The following FER1L6 variants were observed in gnomAD, a reference collection of about 807,000 sequenced individuals.
FER1L6 encodes fer-1-like protein 6.
Under a neutral mutation model 219.2 loss-of-function variants are expected in FER1L6, and 177 were observed. The observed-to-expected ratio is 0.81, with a 90% CI of 0.71 to 0.91. The LOEUF is 0.91. FER1L6 is among the 40% of genes least tolerant of loss of function. The probability of loss-of-function intolerance (pLI) is 0.00; values close to 1 mark genes in which losing one functional copy is unlikely to be tolerated. For missense variants in FER1L6, 2,153 were observed against 2,259.9 expected (o/e 0.95, Z 0.96); for synonymous variants, 768 against 824.3 (o/e 0.93, Z 1.17).
chr8:123,856,316 G>GTGTGTGTGTGTGTATATA (rs71576706), intron 1 of FER1L6, among the ~76,000 whole-genome samples: 1 of 45,112 alleles, frequency 2.2e-5, no homozygotes, highest in Admixed American at 2.3e-4. Flanking sequence ...ATATGTATGT[G>GTGTGTGTGTGTGTATATA]TATATATATA....
At chr8:123,981,940 C>T (rs570352467) in intron 11 of FER1L6, among the ~76,000 whole-genome samples, 9 of 152,206 alleles carry the variant, frequency 5.9e-5, no homozygotes, top group African/African-American at 1.9e-4. Flanking sequence ...TCGTCAGTGT[C>T]GCTATGGTTT....
intron 39 of FER1L6, among the ~76,000 whole-genome samples, chr8:124,114,311 T>A (rs1823142810): frequency 6.6e-6 from 1 of 152,186 alleles, no homozygotes; most frequent in Non-Finnish European, 1.5e-5. Flanking sequence ...GAGTCATCTC[T>A]AATGATTTTT....
intron 1 of FER1L6, among the ~76,000 whole-genome samples, chr8:123,913,333 CACA>C (rs1480907976): frequency 1.1e-5 from 1 of 93,770 alleles, no homozygotes; most frequent in East Asian, 5.8e-4. Flanking sequence ...ATAATTTATT[CACA>C]CACACACATA....
At chr8:123,867,345 G>A (rs993490034) in intron 1 of FER1L6, among the ~76,000 whole-genome samples, 1 of 152,158 alleles carries the variant, frequency 6.6e-6, no homozygotes, top group Non-Finnish European at 1.5e-5. Context: ...TCAACCTGTT[G>A]ATTTTGTAGG....
chr8:123,921,044 T>TAC (rs1392062346), intron 1 of FER1L6, among the ~76,000 whole-genome samples: 1 of 152,258 alleles, frequency 6.6e-6, no homozygotes, highest in Non-Finnish European at 1.5e-5. Context: ...ATTGTTATAG[T>TAC]ACATTATATG....
At chr8:124,046,553 GGTTT>G (rs988745260) in intron 21 of FER1L6, 3 of 152,070 alleles carry the variant, frequency 2.0e-5, no homozygotes, top group South Asian at 2.1e-4. Flanking sequence ...GAAAGGAAAG[GGTTT>G]GTTTCTTTAT....
intron 12 of FER1L6, among the ~76,000 whole-genome samples, chr8:123,995,723 C>T (rs1314825907): frequency 2.0e-5 from 3 of 151,888 alleles, no homozygotes; most frequent in Non-Finnish European, 4.4e-5. Context: ...TTTGTTTGCT[C>T]TTGCTTTTTC....
At chr8:123,886,049 G>A (rs1817195481) in intron 1 of FER1L6, among the ~76,000 whole-genome samples, 2 of 152,170 alleles carry the variant, frequency 1.3e-5, no homozygotes, top group Non-Finnish European at 2.9e-5. Context: ...TTTGCCTTGA[G>A]ACTGCGTTCG....
intron 1 of FER1L6, among the ~76,000 whole-genome samples, chr8:123,905,180 C>G (rs1257832107): frequency 6.6e-6 from 1 of 152,154 alleles, no homozygotes; most frequent in African/African-American, 2.4e-5. Context: ...ACTATCAACC[C>G]ATCAGCTAGA....
Position 124,049,821 on chromosome 8 carries a change from C to T in FER1L6, c.2874+65C>T, listed in dbSNP as rs538504873. 1.1e-5 allele frequency: 17 copies of T among 1,494,426 alleles called. No individual in the cohort carries two copies. In the African/African-American group the frequency reaches 2.2e-4, roughly 19 times the overall value. 92.6% of individuals were successfully genotyped at this position (1,494,426 alleles called of 1,614,324 possible). A position where few individuals can be genotyped will look rare whatever the true frequency, so the allele number is the denominator to read the frequency against. On this transcript the variant is annotated intron_variant, in intron 22 of 40. Coordinates refer to ENST00000522917, the MANE Select transcript of FER1L6 (RefSeq NM_001039112.2). ...CCTGGCCAGAGAAGTGGCCTCACCA[C>T]AAATGCCACTTCAATGAAGCTGTGC...
intron 39 of FER1L6, among the ~76,000 whole-genome samples, chr8:124,108,132 C>T (rs775805204): frequency 7.9e-5 from 12 of 152,164 alleles, no homozygotes; most frequent in African/African-American, 2.4e-4. Flanking sequence ...TGCCGAGGCA[C>T]GAGGATCCCT....
chr8:123,860,120 TCCCTCCC>T (rs1816720900), intron 1 of FER1L6, among the ~76,000 whole-genome samples: 1 of 86,564 alleles, frequency 1.2e-5, no homozygotes, highest in Non-Finnish European at 2.1e-5. Context: ...CCCAATGCTA[TCCCTCCC>T]CCCTCCCCCC....
chr8:123,961,017 G>A (rs192543653), intron 2 of FER1L6, among the ~76,000 whole-genome samples: 352 of 152,260 alleles, frequency 2.3e-3, no homozygotes, highest in Non-Finnish European at 3.5e-3. Flanking sequence ...GGGAGGCTAA[G>A]GTGGGAGATT....
chr8:123,884,509 G>A (rs1817165168), intron 1 of FER1L6, among the ~76,000 whole-genome samples: 2 of 152,226 alleles, frequency 1.3e-5, no homozygotes, highest in Admixed American at 1.3e-4. Flanking sequence ...AGTGCAGGCT[G>A]TTTTGGCCTT....
In FER1L6 at chr8:124,071,535, G is replaced by T. The variant is rs918593395; in HGVS notation, c.3996G>T (p.Gln1332His). 1.9e-6 allele frequency: 3 copies of T among 1,614,094 alleles called. No homozygotes were observed. In the East Asian group the frequency reaches 6.7e-5, roughly 36 times the overall value. ...KGSFCIYKSP[Q>H]DSSSEDSGQL... ...CCTTCTGCATCTACAAAAGCCCCCA[G>T]GATTCTAGCTCTGAGGACAGCGGGC... Residue 1332 changes from glutamine (Q) to histidine (H), a missense_variant, in exon 31 of 41, where the codon CAG becomes CAT. Physicochemically the swap from Gln to His is conservative, Grantham distance 24. Coordinates refer to ENST00000522917, the MANE Select transcript of FER1L6 (RefSeq NM_001039112.2).
intron 12 of FER1L6, among the ~76,000 whole-genome samples, chr8:123,990,163 G>C (rs892128919): frequency 1.3e-5 from 2 of 152,198 alleles, no homozygotes; most frequent in Admixed American, 1.3e-4. Context: ...AGCTACTTGG[G>C]AGGCTGAGGC....
At position 124,120,006 on chromosome 8, in the gene FER1L6, T is replaced by A; in HGVS notation, c.*216T>A. On this transcript the variant is annotated 3_prime_UTR_variant, in exon 41 of 41. Transcript: ENST00000522917. ...GGCATGTTTTATCCCTTGGGCAGCA[T>A]GAAATAAGGCACTTTCACCTCATGG... The A allele has an allele frequency of 2.3e-6, 1 of 442,324 alleles. No homozygotes were observed. The highest frequency in any genetic ancestry group is 3.9e-6 in the Non-Finnish European group (1 of 254,328). The allele number at this position is 442,324 out of a possible 1,614,324, so 27.4% of individuals were successfully genotyped here.
At chr8:124,109,189 C>T (rs1822909791) in intron 39 of FER1L6, among the ~76,000 whole-genome samples, 1 of 152,146 alleles carries the variant, frequency 6.6e-6, no homozygotes, top group Non-Finnish European at 1.5e-5. Flanking sequence ...CGGACTGCAG[C>T]AGATTTTACA....
At chr8:124,056,259 G>A (rs1820290648) in intron 22 of FER1L6, among the ~76,000 whole-genome samples, 1 of 152,186 alleles carries the variant, frequency 6.6e-6, no homozygotes, top group Non-Finnish European at 1.5e-5. Flanking sequence ...CCTACCTACA[G>A]GGTTAGTGCA....
Sources: gnomAD v4.1 joint callset for allele counts (sites outside exome capture counted in the v4.1 genomes callset) on GRCh38, gnomAD v4.1.1 for gene constraint, MANE v1.5 for transcripts, NCBI Gene and HGNC (gene_info 2026-07-23, HGNC 2026-07-21) for gene names.